Variants in BMP6 observed in about 807,000 individuals in gnomAD.
The protein encoded by BMP6 is VG-1-R.
Under a neutral mutation model 54.1 loss-of-function variants are expected in BMP6, and 17 were observed. That is an observed-to-expected ratio of 0.31 (90% CI 0.22 to 0.47). The LOEUF (loss-of-function observed/expected upper bound fraction) is 0.47, where lower values mean the gene tolerates loss of function less well. Among genes scored for constraint, BMP6 ranks in the 20% least tolerant of loss-of-function variants. The probability of loss-of-function intolerance (pLI) is 1.00; values close to 1 mark genes in which losing one functional copy is unlikely to be tolerated. For missense variants in BMP6, 720 were observed against 690.4 expected, an observed-to-expected ratio of 1.04 and a Z score of -0.48; for synonymous variants, 328 against 291.2, an observed-to-expected ratio of 1.13 and a Z score of -1.28.
intron 2 of BMP6, among the ~76,000 whole-genome samples, chr6:7,848,941 A>G (rs1759105446): frequency 6.6e-6 from 1 of 152,210 alleles, no homozygotes; most frequent in East Asian, 1.9e-4. Context: ...GGGTTTTACC[A>G]TGACCTTATC....
Position 7,783,625 on chromosome 6 carries a change from G to A in BMP6, c.664+56006G>A, listed in dbSNP as rs1049917936. Among the ~76,000 whole-genome samples the A allele has an allele frequency of 2.6e-5, 4 of 152,228 alleles. No homozygotes were observed. The South Asian group carries it at 6.2e-4, about 24-fold the overall frequency. The stretch of plus-strand genomic sequence containing the variant: ...AAATCCAGTGGTCTGCAAATCAGAG[G>A]CATTGTAAAAATTGTTAAGATTGAC... On this transcript the variant is annotated intron_variant, in intron 1 of 6. Transcript: ENST00000283147.
intron 4 of BMP6, among the ~76,000 whole-genome samples, chr6:7,877,326 A>G (rs1269497791): frequency 1.3e-5 from 2 of 152,286 alleles, no homozygotes; most frequent in East Asian, 3.9e-4. Context: ...TTTCCTTAAA[A>G]AATCATGAAA....
At chr6:7,793,414 G>A (rs1397323562) in intron 1 of BMP6, among the ~76,000 whole-genome samples, 1 of 152,142 alleles carries the variant, frequency 6.6e-6, no homozygotes, top group Non-Finnish European at 1.5e-5. Flanking sequence ...TTTTAGCACA[G>A]TAAAAATACT....
At chr6:7,838,249 A>C (rs1758906800) in intron 1 of BMP6, among the ~76,000 whole-genome samples, 1 of 152,058 alleles carries the variant, frequency 6.6e-6, no homozygotes, top group African/African-American at 2.4e-5. Context: ...CTAATTTATA[A>C]ATTTAAATTT....
At chr6:7,780,507 C>T (rs1757926888) in intron 1 of BMP6, among the ~76,000 whole-genome samples, 1 of 151,704 alleles carries the variant, frequency 6.6e-6, no homozygotes, top group African/African-American at 2.4e-5. Context: ...CGAGATCGCG[C>T]CATTGCACTC....
intron 2 of BMP6, among the ~76,000 whole-genome samples, chr6:7,857,499 C>G (rs267203): frequency 1.3e-5 from 2 of 152,228 alleles, no homozygotes; most frequent in Admixed American, 6.5e-5. Context: ...TGGTTTGCCA[C>G]CTTGAGAGTA....
intron 1 of BMP6, among the ~76,000 whole-genome samples, chr6:7,788,328 A>C (rs1223762246): frequency 6.6e-6 from 1 of 152,178 alleles, no homozygotes; most frequent in Non-Finnish European, 1.5e-5. Context: ...TATGGAAAGA[A>C]CTGGGGATCA....
At chr6:7,805,085 C>A (rs889666003) in intron 1 of BMP6, among the ~76,000 whole-genome samples, 2 of 152,286 alleles carry the variant, frequency 1.3e-5, no homozygotes, top group South Asian at 4.1e-4. Context: ...ATAATACTGT[C>A]ATTGATGTGA....
intron 1 of BMP6, among the ~76,000 whole-genome samples, chr6:7,818,013 A>G (rs1758556304): frequency 6.6e-6 from 1 of 152,234 alleles, no homozygotes; most frequent in South Asian, 2.1e-4. Context: ...TTTTAAAAAC[A>G]CATTTATAAT....
chr6:7,833,979 T>G (rs1408503428), intron 1 of BMP6, among the ~76,000 whole-genome samples: 1 of 152,110 alleles, frequency 6.6e-6, no homozygotes, highest in Admixed American at 6.5e-5. Flanking sequence ...CTTTCAGGAC[T>G]CCCCTGTGGG....
At position 7,862,315 on chromosome 6, in the gene BMP6, C is replaced by T. The variant is rs757367966; in HGVS notation, c.1021C>T (p.Pro341Ser). 5 of 1,614,216 alleles carry T rather than the reference C, an allele frequency of 3.1e-6. No individual in the cohort carries two copies. The highest frequency in any genetic ancestry group is 4.2e-6 in the Non-Finnish European group (5 of 1,180,040). ...VVTRDGVHVH[P>S]RAAGLVGRDG... ...TTGCATTAAAGGAGTCCACGTCCAC[C>T]CCCGAGCCGCAGGCCTGGTGGGCAG... Residue 341 changes from proline (P) to serine (S), a missense_variant, in exon 4 of 7, where the codon CCC becomes TCC. Coordinates refer to ENST00000283147, the MANE Select transcript of BMP6 (RefSeq NM_001718.6).
In BMP6 at chr6:7,840,892, T is replaced by C. The variant is rs554299968; in HGVS notation, c.665-4248T>C. Among the ~76,000 whole-genome samples, 7 of 152,318 alleles carry C rather than the reference T, an allele frequency of 4.6e-5. No homozygotes were observed. In the East Asian group the frequency reaches 1.3e-3, roughly 29 times the overall value. ...TGATGCTCAGTGAGATTTTGCTTACTGGCCTTTCACAGAATGCCTCACTCG... is the reference window on the plus strand; with the variant it reads ...TGATGCTCAGTGAGATTTTGCTTACCGGCCTTTCACAGAATGCCTCACTCG... On this transcript the variant is annotated intron_variant, in intron 1 of 6. Transcript: ENST00000283147.
chr6:7,741,683 T>C (rs1464483363), intron 1 of BMP6, among the ~76,000 whole-genome samples: 3 of 152,258 alleles, frequency 2.0e-5, no homozygotes, highest in African/African-American at 4.8e-5. Flanking sequence ...TCCTCCTGCT[T>C]TGGCCTCCAA....
chr6:7,837,750 C>T (rs1758896226), intron 1 of BMP6, among the ~76,000 whole-genome samples: 1 of 151,560 alleles, frequency 6.6e-6, no homozygotes, highest in African/African-American at 2.4e-5. Flanking sequence ...AAAACTTACC[C>T]ATATAACCAA....
At chr6:7,790,093 G>A (rs75827853) in intron 1 of BMP6, among the ~76,000 whole-genome samples, 3 of 152,212 alleles carry the variant, frequency 2.0e-5, no homozygotes, top group East Asian at 3.9e-4. Context: ...GTTGTCTAGG[G>A]CTGTTCCCTC....
chr6:7,776,972 C>T (rs1757870524), intron 1 of BMP6, among the ~76,000 whole-genome samples: 1 of 152,200 alleles, frequency 6.6e-6, no homozygotes, highest in African/African-American at 2.4e-5. Context: ...ACTATCTACG[C>T]CCAAATGTTT....
intron 1 of BMP6, among the ~76,000 whole-genome samples, chr6:7,816,062 T>C (rs180979629): frequency 1.5e-3 from 221 of 152,336 alleles, no homozygotes; most frequent in Non-Finnish European, 2.5e-3. Flanking sequence ...TGTAATTTTA[T>C]TTTAGAATAT....
At chr6:7,767,978 T>C (rs1757717673) in intron 1 of BMP6, among the ~76,000 whole-genome samples, 1 of 152,164 alleles carries the variant, frequency 6.6e-6, no homozygotes. Flanking sequence ...TTAATGACCC[T>C]GTGCCCTGGG....
At chr6:7,735,925 C>T (rs1409711179) in intron 1 of BMP6, among the ~76,000 whole-genome samples, 3 of 152,132 alleles carry the variant, frequency 2.0e-5, no homozygotes, top group African/African-American at 4.8e-5. Flanking sequence ...CAAGGAAAAA[C>T]AAGTCAATGA....
Sources: allele counts gnomAD v4.1 joint callset (sites outside exome capture counted in the v4.1 genomes callset), GRCh38; gene constraint gnomAD v4.1.1; transcripts MANE v1.5; gene names NCBI Gene and HGNC (gene_info 2026-07-23, HGNC 2026-07-21).